Variants in BCL2 observed in about 807,000 individuals in gnomAD.
BCL2 encodes the protein apoptosis regulator Bcl-2.
BCL2 carries 1 observed loss-of-function variant against 14.2 expected under a neutral mutation model. The ratio of observed to expected loss-of-function variants is 0.07; its 90% CI spans 0.02 to 0.33. The LOEUF is 0.33. BCL2 is among the 10% of genes least tolerant of loss of function. BCL2 has a pLI of 0.99. For synonymous variants in BCL2, 151 were observed against 137.2 expected, an observed-to-expected ratio of 1.10 and a Z score of -0.70; for missense variants, 247 against 305.9, an observed-to-expected ratio of 0.81 and a Z score of 1.44.
intron 2 of BCL2, among the ~76,000 whole-genome samples, chr18:63,159,982 A>G (rs1415679877): frequency 1.3e-5 from 2 of 152,208 alleles, no homozygotes; most frequent in Non-Finnish European, 2.9e-5. Flanking sequence ...AAGAGTTTTC[A>G]TTCTCAGTAT....
At chr18:63,223,824 C>T (rs1052717930) in intron 2 of BCL2, among the ~76,000 whole-genome samples, 7 of 152,202 alleles carry the variant, frequency 4.6e-5, no homozygotes, top group Admixed American at 4.6e-4. Flanking sequence ...CTCACGCATC[C>T]TCAGAGCTTT....
chr18:63,133,331 T>TTTTC (rs1306788864), intron 2 of BCL2, among the ~76,000 whole-genome samples: 3 of 147,006 alleles, frequency 2.0e-5, no homozygotes, highest in African/African-American at 7.5e-5. Context: ...TTTTTTTTTT[T>TTTTC]TTTTTTTTTG....
intron 2 of BCL2, among the ~76,000 whole-genome samples, chr18:63,286,046 C>T (rs4987724): frequency 0.025 from 3,835 of 152,282 alleles, 55 homozygotes; most frequent in Admixed American, 0.038. Flanking sequence ...CTCTTATACA[C>T]ATAAAAGGGT....
chr18:63,230,594 G>A (rs1320084372), intron 2 of BCL2, among the ~76,000 whole-genome samples: 2 of 151,774 alleles, frequency 1.3e-5, no homozygotes, highest in African/African-American at 2.4e-5. Context: ...GATTGAGCAA[G>A]GAAAAAGAAA....
At position 63,126,741 on chromosome 18, in the gene BCL2, C is replaced by A; in HGVS notation, c.*1884G>T. 1 of 225,768 alleles carries A rather than the reference C, an allele frequency of 4.4e-6. No individual in the cohort carries two copies. The highest frequency in any genetic ancestry group is 1.8e-4 in the South Asian group (1 of 5,448). 14.0% of individuals were successfully genotyped at this position (225,768 alleles called of 1,614,324 possible). On this transcript the variant is annotated 3_prime_UTR_variant, in exon 3 of 3. Coordinates refer to ENST00000333681, the MANE Select transcript of BCL2 (RefSeq NM_000633.3). ...AAAAATCTCAAACAGAAAACGATCACCTTTGCTCACAAATAGTGTATAGGC... is the reference window on the plus strand; with the variant it reads ...AAAAATCTCAAACAGAAAACGATCAACTTTGCTCACAAATAGTGTATAGGC...
chr18:63,126,497 A>C lies in BCL2; in HGVS notation c.*2128T>G, dbSNP rs547576951. The C allele has an allele frequency of 4.4e-6, 1 of 228,820 alleles. No homozygotes were observed. The highest frequency in any genetic ancestry group is 1.8e-4 in the South Asian group (1 of 5,484). 14.2% of individuals were successfully genotyped at this position (228,820 alleles called of 1,614,324 possible). On this transcript the variant is annotated 3_prime_UTR_variant, in exon 3 of 3. Transcript: ENST00000333681. ...CATGTAATCCTGAATACCATGAATT[A>C]AATGCGGAATTGCCCAGGGACGAGG... is the stretch of plus-strand genomic sequence containing the variant.
rs546427175 is a variant in BCL2 at position 63,317,625 on chromosome 18, T to C, written c.585+457A>G. 55 of 1,007,466 alleles carry C rather than the reference T, an allele frequency of 5.5e-5. No homozygotes were observed. The African/African-American group carries it at 8.8e-4, about 16-fold the overall frequency. The allele number at this position is 1,007,466 out of a possible 1,614,324, so 62.4% of individuals were successfully genotyped here. The stretch of plus-strand genomic sequence containing the variant: ...TAATCGGGTTGTTCTCCAATTTTAG[T>C]GTACAACGGGCTTGTTTCAGGGGAG... On this transcript the variant is annotated intron_variant, in intron 2 of 2. Coordinates refer to ENST00000333681, the MANE Select transcript of BCL2 (RefSeq NM_000633.3).
intron 2 of BCL2, among the ~76,000 whole-genome samples, chr18:63,281,716 GA>G (rs1568256862): frequency 8.1e-6 from 1 of 123,466 alleles, no homozygotes; most frequent in African/African-American, 2.8e-5. Context: ...AAGAAAGAAA[GA>G]AAGAAAGAAA....
At chr18:63,178,724 A>T (rs917897088) in intron 2 of BCL2, among the ~76,000 whole-genome samples, 17 of 152,136 alleles carry the variant, frequency 1.1e-4, no homozygotes, top group African/African-American at 4.1e-4. Flanking sequence ...GGGGACAAAC[A>T]GAGAACAGTT....
intron 2 of BCL2, among the ~76,000 whole-genome samples, chr18:63,241,027 T>G (rs1156438805): frequency 6.6e-6 from 1 of 152,264 alleles, no homozygotes; most frequent in Non-Finnish European, 1.5e-5. Context: ...CCATATGGTC[T>G]CTATCATAAT....
chr18:63,153,060 G>A (rs1568217322), intron 2 of BCL2, among the ~76,000 whole-genome samples: 1 of 152,166 alleles, frequency 6.6e-6, no homozygotes, highest in Non-Finnish European at 1.5e-5. Flanking sequence ...CATGCTAGTA[G>A]CATTGGAGAG....
rs964118090 is a variant in BCL2, at chr18:63,149,704, C to A, written c.586-20945G>T. Among the ~76,000 whole-genome samples the A allele has an allele frequency of 2.0e-5, 3 of 152,064 alleles. No individual in the cohort carries two copies. The highest frequency in any genetic ancestry group is 7.2e-5 in the African/African-American group (3 of 41,390). ...AAAAATAACACTGTTATGACAGTGA[C>A]CGGCAGATGATTAACAGTGAAGAAG... On this transcript the variant is annotated intron_variant, in intron 2 of 2. Transcript: ENST00000333681. The surrounding 1 kb of genome is among the most constrained non-coding windows in gnomAD (Gnocchi z 4.2).
chr18:63,260,400 T>C (rs1051154436), intron 2 of BCL2, among the ~76,000 whole-genome samples: 3 of 152,208 alleles, frequency 2.0e-5, no homozygotes, highest in Non-Finnish European at 2.9e-5. Flanking sequence ...AGGCTCATGA[T>C]TGAAGGCTTC....
chr18:63,166,650 G>C (rs1464428478), intron 2 of BCL2, among the ~76,000 whole-genome samples: 2 of 152,198 alleles, frequency 1.3e-5, no homozygotes, highest in African/African-American at 4.8e-5. Context: ...ACAGGAGTGA[G>C]CATTAACACA....
intron 2 of BCL2, among the ~76,000 whole-genome samples, chr18:63,224,000 A>G (rs1910478881): frequency 6.6e-6 from 1 of 152,228 alleles, no homozygotes; most frequent in Non-Finnish European, 1.5e-5. Flanking sequence ...GAAAAGAAAA[A>G]AAAATGCAGA....
intron 2 of BCL2, among the ~76,000 whole-genome samples, chr18:63,188,669 A>T (rs1346856177): frequency 6.6e-6 from 1 of 152,088 alleles, no homozygotes; most frequent in Non-Finnish European, 1.5e-5. Flanking sequence ...TACATCAACA[A>T]ATCTTAATTT....
intron 2 of BCL2, among the ~76,000 whole-genome samples, chr18:63,268,016 C>G (rs1240174134): frequency 3.3e-5 from 5 of 152,216 alleles, no homozygotes; most frequent in Admixed American, 6.5e-5. Flanking sequence ...AGCGGCGATG[C>G]CTTTATTTTC....
At chr18:63,232,432 T>C (rs543892379) in intron 2 of BCL2, among the ~76,000 whole-genome samples, 2 of 151,814 alleles carry the variant, frequency 1.3e-5, no homozygotes, top group Admixed American at 6.6e-5. Context: ...TAGTACTCTA[T>C]AAGGAAAAAA....
intron 2 of BCL2, among the ~76,000 whole-genome samples, chr18:63,152,772 A>G (rs1214362470): frequency 6.6e-6 from 1 of 152,166 alleles, no homozygotes; most frequent in Non-Finnish European, 1.5e-5. Flanking sequence ...GAAATTGTAC[A>G]CCACCTATGA....
Sources: gnomAD v4.1 joint callset for allele counts (sites outside exome capture counted in the v4.1 genomes callset) on GRCh38, gnomAD v4.1.1 for gene constraint, Gnocchi (gnomAD v3.1) non-coding constraint, MANE v1.5 for transcripts, NCBI Gene and HGNC (gene_info 2026-07-23, HGNC 2026-07-21) for gene names.